Variants in ADGB observed in about 807,000 individuals in gnomAD.
ADGB encodes the protein androglobin, also known as calpain-7-like protein.
In ADGB, 172 loss-of-function variants were observed where a neutral mutation model predicts 210.5. The ratio of observed to expected loss-of-function variants is 0.82; its 90% CI spans 0.72 to 0.93. ADGB has a LOEUF of 0.93. Ranked by LOEUF, ADGB falls within the 40% of genes least tolerant of loss-of-function variation. ADGB has a pLI of 0.00. For missense variants in ADGB, 2,025 were observed against 1,964.8 expected, an observed-to-expected ratio of 1.03 and a Z score of -0.58; for synonymous variants, 658 against 662.7, an observed-to-expected ratio of 0.99 and a Z score of 0.11.
chr6:146,770,673 G>A (rs1777638212), intron 29 of ADGB: 1 of 443,292 alleles, frequency 2.3e-6, no homozygotes, highest in Non-Finnish European at 4.8e-6. Context: ...GCTGTGTTCA[G>A]GCTCAACGAG....
At chr6:146,621,655 T>C (rs1257341074) in intron 1 of ADGB, among the ~76,000 whole-genome samples, 2 of 152,184 alleles carry the variant, frequency 1.3e-5, no homozygotes, top group East Asian at 3.8e-4. Context: ...TAGGGAGATA[T>C]TCTTGTCTTT....
At chr6:146,715,249 G>C in intron 13 of ADGB, 133 bp from the exon 14 acceptor site, 2 of 754,942 alleles carry the variant, frequency 2.6e-6, no homozygotes, top group Non-Finnish European at 4.3e-6. Flanking sequence ...TTTTTGGTAG[G>C]TTTTAGTAAA....
At chr6:146,667,025 T>G in intron 7 of ADGB, 123 bp downstream of exon 7, 1 of 636,360 alleles carries the variant, frequency 1.6e-6, no homozygotes, top group Non-Finnish European at 2.7e-6. Context: ...TGGGGGAAAA[T>G]ATCGTTTTGT....
At chr6:146,805,786 A>G (rs1242730709) in intron 35 of ADGB, among the ~76,000 whole-genome samples, 1 of 152,176 alleles carries the variant, frequency 6.6e-6, no homozygotes, top group East Asian at 1.9e-4. Flanking sequence ...CTGCTCTTTC[A>G]CAATTACTAC....
intron 9 of ADGB, among the ~76,000 whole-genome samples, chr6:146,679,187 T>C (rs1562272484): frequency 6.6e-6 from 1 of 152,184 alleles, no homozygotes; most frequent in Admixed American, 6.5e-5. Context: ...GATCGCTCAT[T>C]TCAGGAGAAA....
At chr6:146,667,096 C>A (rs762215167) in intron 7 of ADGB, among the ~76,000 whole-genome samples, 194 bp downstream of exon 7, 2 of 151,864 alleles carry the variant, frequency 1.3e-5, no homozygotes, top group African/African-American at 2.4e-5. Flanking sequence ...TGTAGGAGAA[C>A]AATGACCCCC....
At chr6:146,716,388 G>A (rs1481063840) in intron 14 of ADGB, among the ~76,000 whole-genome samples, 1 of 128,364 alleles carries the variant, frequency 7.8e-6, no homozygotes, top group South Asian at 2.1e-4. Flanking sequence ...TCAGGAGATC[G>A]AGACCATCCT....
intron 13 of ADGB, among the ~76,000 whole-genome samples, chr6:146,712,019 T>C (rs1366177526): frequency 1.3e-5 from 2 of 150,110 alleles, no homozygotes; most frequent in African/African-American, 2.5e-5. Flanking sequence ...ATCACACTAC[T>C]GAACTCCAGC....
intron 31 of ADGB, 50 bp downstream of exon 31, chr6:146,784,844 T>C (rs1489101871): frequency 6.7e-7 from 1 of 1,492,394 alleles, no homozygotes; most frequent in East Asian, 2.5e-5. Flanking sequence ...TCCTTAGGCA[T>C]GCTCTGAAAA....
At chr6:146,716,861 G>A (rs1011866376) in intron 14 of ADGB, 22 bp from the exon 15 acceptor site, 2 of 1,521,886 alleles carry the variant, frequency 1.3e-6, no homozygotes, top group Non-Finnish European at 1.8e-6. Flanking sequence ...TATAAGATGT[G>A]TTTGACATGT....
chr6:146,696,121 GCTAGAGTGCAGTGGAGC>G (rs1776398805), intron 12 of ADGB, among the ~76,000 whole-genome samples: 1 of 151,398 alleles, frequency 6.6e-6, no homozygotes, highest in Non-Finnish European at 1.5e-5. Context: ...TGCTGCCCAG[GCTAGAGTGCAGTGGAGC>G]AATCTTGGCT....
intron 33 of ADGB, among the ~76,000 whole-genome samples, chr6:146,799,402 C>T (rs1361574554): frequency 6.6e-6 from 1 of 151,922 alleles, no homozygotes; most frequent in Non-Finnish European, 1.5e-5. Flanking sequence ...GGCGTGGTGG[C>T]ACGTGCCTGT....
chr6:146,746,884 C>T (rs9485119), intron 26 of ADGB, among the ~76,000 whole-genome samples: 69,840 of 151,646 alleles, frequency 0.46, 16,426 homozygotes, highest in East Asian at 0.59. Flanking sequence ...TTATTTTGCT[C>T]GAGCATTTCC....
At chr6:146,771,527 A>G (rs558398079) in intron 29 of ADGB, among the ~76,000 whole-genome samples, 1 of 152,254 alleles carries the variant, frequency 6.6e-6, no homozygotes, top group South Asian at 2.1e-4. Context: ...GGTTCAAAGC[A>G]AAATCTCTTA....
At chr6:146,795,458 A>C (rs1021275969) in intron 33 of ADGB, among the ~76,000 whole-genome samples, 1 of 152,246 alleles carries the variant, frequency 6.6e-6, no homozygotes, top group Non-Finnish European at 1.5e-5. Context: ...CAAATTTATA[A>C]GAGAAAAACA....
Position 146,806,528 on chromosome 6 carries a change from G to A in ADGB, c.4818+4517G>A, listed in dbSNP as rs559316484. ...CAGTATTATCTTTTGTAAAAACTTC[G>A]GGAATTCTGATTCTGACATCCAGCT... On this transcript the variant is annotated intron_variant, in intron 35 of 35. Transcript: ENST00000397944. 5.3e-5 allele frequency among the ~76,000 whole-genome samples: 8 copies of A among 152,046 alleles called. No homozygotes were observed. The South Asian group carries it at 6.2e-4, about 12-fold the overall frequency.
intron 1 of ADGB, among the ~76,000 whole-genome samples, chr6:146,627,382 T>G (rs1235448849): frequency 6.6e-6 from 1 of 152,122 alleles, no homozygotes. Context: ...TGGATATTTT[T>G]GTAGCCCTAT....
rs146484532 is a variant in ADGB at position 146,629,962 on chromosome 6, C to T, written c.75-5413C>T. 1.5e-3 allele frequency among the ~76,000 whole-genome samples: 233 copies of T among 152,254 alleles called. 8 individuals carry two copies. The East Asian group carries it at 0.036, about 23-fold the overall frequency. ...TGTATAAAGAAAAAAGCTGGCTAGG[C>T]ACTGTGGCTCGTGCCTATAATCCCA... On this transcript the variant is annotated intron_variant, in intron 1 of 35. Coordinates refer to ENST00000397944, the MANE Select transcript of ADGB (RefSeq NM_024694.4).
intron 5 of ADGB, among the ~76,000 whole-genome samples, chr6:146,663,240 A>G (rs1269313780): frequency 6.8e-6 from 1 of 146,786 alleles, no homozygotes; most frequent in South Asian, 2.1e-4. Flanking sequence ...CCTTAATAAT[A>G]TTAGTCTTGT....
Sources: gnomAD v4.1 joint callset for allele counts (sites outside exome capture counted in the v4.1 genomes callset) on GRCh38, gnomAD v4.1.1 for gene constraint, MANE v1.5 for transcripts, NCBI Gene and HGNC (gene_info 2026-07-23, HGNC 2026-07-21) for gene names.